Variants in POLA1 observed in about 807,000 individuals in gnomAD.
POLA1 encodes DNA polymerase alpha 1, catalytic subunit.
A neutral mutation model predicts 124.0 loss-of-function variants in POLA1; 15 were observed. The observed-to-expected ratio is 0.12, with a 90% CI of 0.08 to 0.19. The LOEUF is 0.19. Among genes scored for constraint, POLA1 ranks in the 10% least tolerant of loss-of-function variants. The pLI, the probability that POLA1 is intolerant of heterozygous loss-of-function variation, is 1.00. For missense variants in POLA1, 886 were observed against 1,103.4 expected, an observed-to-expected ratio of 0.80 and a Z score of 2.79; for synonymous variants, 408 against 389.4, an observed-to-expected ratio of 1.05 and a Z score of -0.56.
intron 34 of POLA1, among the ~76,000 whole-genome samples, chrX:24,852,670 G>A (rs973485384): frequency 8.9e-6 from 1 of 111,950 alleles, no homozygotes; most frequent in African/African-American, 3.2e-5. Context: ...AAACTCATCT[G>A]ACTCTTGACA....
chrX:24,805,669 T>A (rs907851951), intron 26 of POLA1, among the ~76,000 whole-genome samples: 12 of 112,012 alleles, frequency 1.1e-4, no homozygotes, highest in African/African-American at 3.9e-4. Flanking sequence ...TATTTTTTTA[T>A]ACTTGAAGTT....
intron 34 of POLA1, among the ~76,000 whole-genome samples, chrX:24,868,373 T>C (rs776324165): frequency 1.2e-4 from 14 of 112,096 alleles, no homozygotes; most frequent in African/African-American, 4.5e-4. Context: ...CTTACATACA[T>C]CTAAAATATT....
chrX:24,808,519 T>G (rs757554511), intron 26 of POLA1, among the ~76,000 whole-genome samples: 11 of 108,770 alleles, frequency 1.0e-4, no homozygotes, highest in African/African-American at 3.7e-4. Flanking sequence ...ATTGTTTGTT[T>G]TTTTTTTTTT....
At chrX:24,987,602 A>G (rs1222601244) in intron 36 of POLA1, among the ~76,000 whole-genome samples, 2 of 111,885 alleles carry the variant, frequency 1.8e-5, no homozygotes, top group Admixed American at 1.9e-4. Context: ...GGCTTAATCA[A>G]AAATGTTCAT....
intron 4 of POLA1, among the ~76,000 whole-genome samples, chrX:24,709,296 C>A (rs1312562146): frequency 5.3e-5 from 4 of 74,951 alleles, no homozygotes; most frequent in African/African-American, 9.7e-5. Flanking sequence ...GGGGGGCTGA[C>A]CCCCCCACCT....
intron 26 of POLA1, among the ~76,000 whole-genome samples, chrX:24,749,669 CTTT>C (rs1932217784): frequency 9.0e-6 from 1 of 111,586 alleles, no homozygotes; most frequent in Non-Finnish European, 1.9e-5. Flanking sequence ...GATGTGTTGC[CTTT>C]GGCATGAGTA....
chrX:24,814,433 C>T (rs2148501283), intron 29 of POLA1, among the ~76,000 whole-genome samples: 1 of 111,591 alleles, frequency 9.0e-6, no homozygotes, highest in East Asian at 2.8e-4. Context: ...TAAGGGAGAA[C>T]ACTGAGCAAC....
At chrX:24,706,431 T>A (rs1177110293) in intron 4 of POLA1, among the ~76,000 whole-genome samples, 2 of 112,002 alleles carry the variant, frequency 1.8e-5, no homozygotes, top group Non-Finnish European at 3.8e-5. Context: ...GGTATCCAGA[T>A]ATGGGAGATG....
At chrX:24,795,100 C>G (rs11573404) in intron 26 of POLA1, among the ~76,000 whole-genome samples, 6,414 of 110,490 alleles carry the variant, frequency 0.058, 341 homozygotes, top group African/African-American at 0.17. Flanking sequence ...ATGCTCTTAG[C>G]TTTGGAGGAC....
chrX:24,941,614 A>G (rs1420524510), intron 36 of POLA1, among the ~76,000 whole-genome samples: 5 of 112,383 alleles, frequency 4.4e-5, no homozygotes, highest in African/African-American at 1.6e-4. Context: ...TTCATATACA[A>G]AGAAAACCCA....
At chrX:24,952,351 G>T (rs1307507870) in intron 36 of POLA1, among the ~76,000 whole-genome samples, 1 of 111,998 alleles carries the variant, frequency 8.9e-6, no homozygotes, top group Non-Finnish European at 1.9e-5. Flanking sequence ...GTTAGCTGCA[G>T]AATTAGTAGC....
intron 20 of POLA1, among the ~76,000 whole-genome samples, chrX:24,741,152 CGT>C (rs36092075): frequency 1.7e-3 from 110 of 66,132 alleles, no homozygotes; most frequent in Middle Eastern, 8.5e-3. Flanking sequence ...TGTGTGCGCG[CGT>C]GTGTGTGTGT....
At chrX:24,917,518 A>T (rs908122148) in intron 35 of POLA1, among the ~76,000 whole-genome samples, 2 of 111,986 alleles carry the variant, frequency 1.8e-5, no homozygotes, top group African/African-American at 6.5e-5. Context: ...ATAACTACTT[A>T]TTCAAAATAT....
intron 35 of POLA1, among the ~76,000 whole-genome samples, chrX:24,903,909 CT>C (rs1174353237): frequency 5.4e-4 from 52 of 95,837 alleles, no homozygotes; most frequent in East Asian, 9.8e-4. Flanking sequence ...GACCAGATTT[CT>C]TTTTTTTTTT....
intron 36 of POLA1, among the ~76,000 whole-genome samples, chrX:24,939,292 G>GA (rs1157565746): frequency 8.9e-6 from 1 of 111,864 alleles, no homozygotes; most frequent in Non-Finnish European, 1.9e-5. Context: ...CACCAATGAT[G>GA]AAAAAAATGA....
chrX:24,742,152 T>C, intron 22 of POLA1, 31 bp downstream of exon 22: 1 of 1,149,346 alleles, frequency 8.7e-7, no homozygotes, highest in Non-Finnish European at 1.2e-6. Context: ...TATTTTGTTT[T>C]CTCTTAACCC....
chrX:24,720,223 G>A (rs1930121648), intron 10 of POLA1, among the ~76,000 whole-genome samples: 1 of 111,960 alleles, frequency 8.9e-6, no homozygotes, highest in African/African-American at 3.3e-5. Context: ...TCTCCTGGGA[G>A]TGTACCTAAA....
At chrX:24,697,341 G>C (rs1390846799) in intron 1 of POLA1, among the ~76,000 whole-genome samples, 2 of 111,440 alleles carry the variant, frequency 1.8e-5, no homozygotes, top group Non-Finnish European at 3.8e-5. Context: ...GAGGGGAATC[G>C]CTTTTCACTT....
At chrX:24,737,871 G>A in intron 19 of POLA1, 130 bp downstream of exon 19, 1 of 383,240 alleles carries the variant, frequency 2.6e-6, no homozygotes, top group Non-Finnish European at 4.6e-6. Context: ...TTTTAACTTT[G>A]GCACTAAACA....
Sources: allele counts gnomAD v4.1 joint callset (sites outside exome capture counted in the v4.1 genomes callset), GRCh38; gene constraint gnomAD v4.1.1; transcripts MANE v1.5; gene names NCBI Gene and HGNC (gene_info 2026-07-23, HGNC 2026-07-21).